The following NUTM1 variants were observed in gnomAD, a reference collection of about 807,000 sequenced individuals.
The protein encoded by NUTM1 is NUT family member 1.
NUTM1 carries 39 observed loss-of-function variants against 88.7 expected under a neutral mutation model. The observed-to-expected ratio is 0.44, with a 90% CI of 0.34 to 0.57. The LOEUF is 0.57. Ranked by LOEUF, NUTM1 falls within the 20% of genes least tolerant of loss-of-function variation. NUTM1 has a pLI of 0.01. For missense variants in NUTM1, 1,350 were observed against 1,414.5 expected, an observed-to-expected ratio of 0.95 and a Z score of 0.73; for synonymous variants, 494 against 538.0, an observed-to-expected ratio of 0.92 and a Z score of 1.13.
intron 4 of NUTM1, among the ~76,000 whole-genome samples, chr15:34,351,926 T>C (rs1242385126): frequency 6.6e-6 from 1 of 150,512 alleles, no homozygotes; most frequent in Non-Finnish European, 1.5e-5. Context: ...TCCCAGCACT[T>C]TGGGAGGCCG....
chr15:34,354,830 G>T, intron 6 of NUTM1, 98 bp downstream of exon 6: 3 of 1,254,952 alleles, frequency 2.4e-6, no homozygotes, highest in Non-Finnish European at 3.5e-6. Context: ...TAGGACTTAG[G>T]TTTTATTCTA....
Position 34,355,849 on chromosome 15 carries a change from C to T in NUTM1, c.1841C>T (p.Ser614Phe). The change falls in exon 8 of 8, where the codon TCT (serine) becomes TTT (phenylalanine). Residue 614 changes from serine (S) to phenylalanine (F), a missense_variant. By Grantham distance (155) the Ser-to-Phe change is radical (BLOSUM62 -2). Transcript: ENST00000537011. This position sits in a 1 kb window ranked among gnomAD's most constrained non-coding sequence, Gnocchi z 4.3. ...CCCTTGGGTGTGGAGAGGAGAGGGT[C>T]TGGGAAGGTTATAAACCAGGTATCT... Reference protein sequence around the residue: ...PGPLGVERRGSGKVINQVSLH... With the variant: ...PGPLGVERRGFGKVINQVSLH... The T allele has an allele frequency of 6.2e-7, 1 of 1,614,036 alleles. No individual in the cohort carries two copies. Among genetic ancestry groups the T allele is most frequent in the Admixed American group, 1.7e-5 (1 of 60,008 alleles).
In NUTM1 at chr15:34,355,863, A is replaced by C. The variant is rs1320557472; in HGVS notation, c.1855A>C (p.Asn619His). Residue 619 changes from asparagine to histidine, a missense_variant, in exon 8 of 8, where the codon AAC becomes CAC. Physicochemically the swap from Asn to His is moderately conservative, Grantham distance 68 (BLOSUM62 1). Coordinates refer to ENST00000537011, the MANE Select transcript of NUTM1 (RefSeq NM_001284292.2). This position sits in a 1 kb window ranked among gnomAD's most constrained non-coding sequence, Gnocchi z 4.3. ...VERRGSGKVI[N>H]QVSLHQDGHL... Reference sequence around the variant, plus strand: ...GAGGAGAGGGTCTGGGAAGGTTATAAACCAGGTATCTCTACATCAGGATGG... The same window carrying C: ...GAGGAGAGGGTCTGGGAAGGTTATACACCAGGTATCTCTACATCAGGATGG... 3 of 1,613,768 alleles carry C rather than the reference A, an allele frequency of 1.9e-6. No homozygotes were observed. The highest frequency in any genetic ancestry group is 2.5e-6 in the Non-Finnish European group (3 of 1,179,960).
chr15:34,346,936 G>T (rs546448879), intron 2 of NUTM1, among the ~76,000 whole-genome samples: 1 of 144,086 alleles, frequency 6.9e-6, no homozygotes, highest in Non-Finnish European at 1.5e-5. Flanking sequence ...GATGGCTTGG[G>T]CTTGTCTCTT....
chr15:34,343,523 A>G lies in NUTM1; in HGVS notation c.-174A>G. On this transcript the variant is annotated 5_prime_UTR_variant, in exon 1 of 8. Transcript: ENST00000537011. ...GGTTTTCTTCCCTCCCCTCTTTTACATCCAGTTCCCCTGCTCCATTTCAAA... is the reference window on the plus strand; with the variant it reads ...GGTTTTCTTCCCTCCCCTCTTTTACGTCCAGTTCCCCTGCTCCATTTCAAA... The G allele has an allele frequency of 6.9e-7, 1 of 1,449,572 alleles. No individual in the cohort carries two copies. The highest frequency in any genetic ancestry group is 9.3e-7 in the Non-Finnish European group (1 of 1,077,512). The allele number at this position is 1,449,572 out of a possible 1,614,324, so 89.8% of individuals were successfully genotyped here.
chr15:34,357,373 T>C lies in NUTM1; in HGVS notation c.3365T>C (p.Leu1122Pro). Residue 1122 changes from leucine (L) to proline (P), a missense_variant, in exon 8 of 8, where the codon CTT (leucine) becomes CCT (proline). Coordinates refer to ENST00000537011, the MANE Select transcript of NUTM1 (RefSeq NM_001284292.2). ...TEKTPHSGAQ[L>P]GVPREKPLAL... ...AAGACACCCCACTCAGGAGCTCAAC[T>C]TGGGGTCCCCAGGGAGAAACCCCTA... is the stretch of plus-strand genomic sequence containing the variant. 6.2e-7 allele frequency: 1 copy of C among 1,614,196 alleles called. No homozygotes were observed. Among genetic ancestry groups the C allele is most frequent in the Non-Finnish European group, 8.5e-7 (1 of 1,180,036 alleles).
In NUTM1 at chr15:34,355,220, C is replaced by T. The variant is rs1212486939; in HGVS notation, c.1479+83C>T. 2 of 960,954 alleles carry T rather than the reference C, an allele frequency of 2.1e-6. No homozygotes were observed. Among genetic ancestry groups the T allele is most frequent in the Non-Finnish European group, 3.3e-6 (2 of 600,342 alleles). 59.5% of individuals were successfully genotyped at this position (960,954 alleles called of 1,614,324 possible). ...CTACACTGTCGTGGGTGATATGGCT[C>T]TAGAGATGAACAGCTTCAGGATTGG... On this transcript the variant is annotated intron_variant, in intron 7 of 7. Coordinates refer to ENST00000537011, the MANE Select transcript of NUTM1 (RefSeq NM_001284292.2). This position sits in a 1 kb window ranked among gnomAD's most constrained non-coding sequence, Gnocchi z 4.3.
At position 34,354,481 on chromosome 15, in the gene NUTM1, G is replaced by C. The variant is rs1452009278; in HGVS notation, c.1111G>C (p.Ala371Pro). ...IPKKAASKTR[A>P]PRRRQRKAQR... ...GAAGAAGGCAGCCTCCAAGACACGG[G>C]CCCCCCGCCGGCGTCAGCGTAAAGC... Residue 371 changes from alanine (A) to proline (P), a missense_variant, in exon 6 of 8, where the codon GCC becomes CCC. This residue lies in a region of NUTM1 where 89 missense variants were observed against 76.0 expected (regional missense o/e 1.17). Transcript: ENST00000537011. 2.5e-6 allele frequency: 4 copies of C among 1,613,952 alleles called. No homozygotes were observed. Among genetic ancestry groups the C allele is most frequent in the Non-Finnish European group, 2.5e-6 (3 of 1,180,040 alleles).
In NUTM1 at chr15:34,355,604, G is replaced by A. The variant is rs750088521; in HGVS notation, c.1596G>A (p.Gly532=). The change falls in exon 8 of 8, where the codon GGG becomes GGA. Residue 532 remains glycine (G), a synonymous_variant. Coordinates refer to ENST00000537011, the MANE Select transcript of NUTM1 (RefSeq NM_001284292.2). The surrounding 1 kb of genome is among the most constrained non-coding windows in gnomAD (Gnocchi z 4.3). ...CTGGTTCTGTTGAGGATGAAGATGG[G>A]GATGGGCGGCTTCGGCCCTCACCTG... ...SPSGSVEDED[G]DGRLRPSPGL... 17 of 1,613,870 alleles carry A rather than the reference G, an allele frequency of 1.1e-5. No individual in the cohort carries two copies. The highest frequency in any genetic ancestry group is 1.4e-5 in the Non-Finnish European group (17 of 1,179,948).
intron 5 of NUTM1, 117 bp from the exon 6 acceptor site, chr15:34,354,329 G>A: frequency 8.7e-7 from 1 of 1,144,752 alleles, no homozygotes; most frequent in Non-Finnish European, 1.3e-6. Context: ...AGAAGCTGTG[G>A]TTTCTGTGCT....
rs1180790896 is a variant in NUTM1, at chr15:34,357,723, T to C, written c.*232T>C. 1 of 714,134 alleles carries C rather than the reference T, an allele frequency of 1.4e-6. No individual in the cohort carries two copies. The highest frequency in any genetic ancestry group is 1.7e-5 in the African/African-American group (1 of 57,150). The allele number at this position is 714,134 out of a possible 1,614,324, so 44.2% of individuals were successfully genotyped here. ...TAGAAAAAAAATGAATAAAGTGTTT[T>C]GTTGGAAAATGCTCTCAGAGTGCCC... On this transcript the variant is annotated 3_prime_UTR_variant, in exon 8 of 8. Coordinates refer to ENST00000537011, the MANE Select transcript of NUTM1 (RefSeq NM_001284292.2).
intron 4 of NUTM1, among the ~76,000 whole-genome samples, chr15:34,351,307 A>G (rs1890705104): frequency 6.9e-6 from 1 of 145,594 alleles, no homozygotes; most frequent in African/African-American, 2.5e-5. Flanking sequence ...CAGCTACTCT[A>G]GAGGCTAAGG....
intron 4 of NUTM1, 82 bp downstream of exon 4, chr15:34,350,914 G>A: frequency 1.3e-6 from 2 of 1,542,646 alleles, no homozygotes; most frequent in Middle Eastern, 1.7e-4. Flanking sequence ...TTGTGTGGGG[G>A]TGATTATCAA....
intron 3 of NUTM1, 74 bp downstream of exon 3, chr15:34,348,751 T>TAAATAGCCTAAACTAC: frequency 1.9e-6 from 2 of 1,051,576 alleles, no homozygotes; most frequent in Non-Finnish European, 2.8e-6. Context: ...ACATAGTAGT[T>TAAATAGCCTAAACTAC]TAGGCTGTTT....
rs547965527 is a variant in NUTM1 at position 34,348,596 on chromosome 15, G to T, written c.728G>T (p.Arg243Leu). 1.9e-6 allele frequency: 3 copies of T among 1,612,282 alleles called. No individual in the cohort carries two copies. In the Middle Eastern group the frequency reaches 4.9e-4, roughly 266 times the overall value. The part of the protein sequence containing the change: ...KISKDVYENF[R>L]QWQRYKALAR... ...TCCAAGGACGTTTATGAGAACTTCC[G>T]TCAGTGGCAGCGTTACAAAGCCTTG... is the stretch of plus-strand genomic sequence containing the variant. The change falls in exon 3 of 8, where the codon CGT becomes CTT. Residue 243 changes from arginine (R) to leucine (L), a missense_variant. Arg to Leu is a moderately radical substitution (Grantham distance 102). Coordinates refer to ENST00000537011, the MANE Select transcript of NUTM1 (RefSeq NM_001284292.2).
rs762873619 is a variant in NUTM1, at chr15:34,357,585, C to T, written c.*94C>T. The stretch of plus-strand genomic sequence containing the variant: ...CCTGCTGCCCACCAATGGAGAATCC[C>T]AATGTTGAATCTCATCCCAATGTTG... On this transcript the variant is annotated 3_prime_UTR_variant, in exon 8 of 8. Coordinates refer to ENST00000537011, the MANE Select transcript of NUTM1 (RefSeq NM_001284292.2). The T allele has an allele frequency of 8.1e-6, 13 of 1,600,922 alleles. No homozygotes were observed. The highest frequency in any genetic ancestry group is 1.1e-5 in the Non-Finnish European group (13 of 1,178,018).
intron 2 of NUTM1, among the ~76,000 whole-genome samples, chr15:34,347,553 C>T (rs191413449): frequency 1.8e-4 from 27 of 152,068 alleles, no homozygotes; most frequent in African/African-American, 4.8e-4. Context: ...CCACCGTGCC[C>T]GGCCTCTACA....
rs1890581767 is a variant in NUTM1 at position 34,346,099 on chromosome 15, T to C, written c.100+64T>C. 31 of 1,525,940 alleles carry C rather than the reference T, an allele frequency of 2.0e-5. No individual in the cohort carries two copies. In the South Asian group the frequency reaches 2.7e-4, roughly 13 times the overall value. 94.5% of individuals were successfully genotyped at this position (1,525,940 alleles called of 1,614,324 possible). ...CTCATATCCTTTGAGACAAGCTCTC[T>C]GGGCTGACCTAAAGGAATGTGAGGT... On this transcript the variant is annotated intron_variant, in intron 2 of 7. Transcript: ENST00000537011.
At chr15:34,344,533 T>A (rs7169857) in intron 1 of NUTM1, among the ~76,000 whole-genome samples, 20,315 of 148,368 alleles carry the variant, frequency 0.14, 1,528 homozygotes, top group East Asian at 0.33. Flanking sequence ...AAGAATATGG[T>A]TTGTATTTAC....
Sources: allele counts gnomAD v4.1 joint callset (sites outside exome capture counted in the v4.1 genomes callset), GRCh38; gene constraint gnomAD v4.1.1; regional missense constraint gnomAD v4.1.1; non-coding constraint Gnocchi (gnomAD v3.1); transcripts MANE v1.5; gene names NCBI Gene and HGNC (gene_info 2026-07-23, HGNC 2026-07-21).